The following NUDT9 variants were observed in gnomAD, a reference collection of about 807,000 sequenced individuals.
The protein encoded by NUDT9 is nudix hydrolase 9.
Under a neutral mutation model 41.0 loss-of-function variants are expected in NUDT9, and 31 were observed. The observed-to-expected ratio is 0.76, with a 90% CI of 0.57 to 1.02. The LOEUF (loss-of-function observed/expected upper bound fraction) is 1.02. NUDT9 is among the 50% of genes least tolerant of loss of function. The probability of loss-of-function intolerance (pLI) is 0.00; values close to 1 mark genes in which losing one functional copy is unlikely to be tolerated. For missense variants in NUDT9, 380 were observed against 431.4 expected, an observed-to-expected ratio of 0.88 and a Z score of 1.06; for synonymous variants, 146 against 147.6, an observed-to-expected ratio of 0.99 and a Z score of 0.08.
At chr4:87,434,011 A>T (rs185625834) in intron 1 of NUDT9, among the ~76,000 whole-genome samples, 15 of 152,228 alleles carry the variant, frequency 9.9e-5, no homozygotes, top group Admixed American at 2.6e-4. Flanking sequence ...GATGATTTTT[A>T]AAAAATATAT....
intron 6 of NUDT9, among the ~76,000 whole-genome samples, chr4:87,452,546 G>A (rs577628674): frequency 4.9e-4 from 75 of 151,762 alleles, no homozygotes; most frequent in Non-Finnish European, 9.1e-4. Context: ...GACCTCTTGG[G>A]CTCCTGTGAT....
At chr4:87,444,294 A>G (rs1722350257) in intron 4 of NUDT9, among the ~76,000 whole-genome samples, 1 of 151,846 alleles carries the variant, frequency 6.6e-6, no homozygotes, top group African/African-American at 2.4e-5. Flanking sequence ...TTAACTCTTT[A>G]TATATTTTTT....
At chr4:87,423,709 C>T (rs1721263738) in intron 1 of NUDT9, among the ~76,000 whole-genome samples, 1 of 151,986 alleles carries the variant, frequency 6.6e-6, no homozygotes, top group Non-Finnish European at 1.5e-5. Context: ...GTCCTGTTTC[C>T]TTCTGTTGCT....
At chr4:87,451,779 A>C (rs764667301) in intron 6 of NUDT9, 44 bp downstream of exon 6, 9 of 1,549,336 alleles carry the variant, frequency 5.8e-6, no homozygotes, top group Admixed American at 1.9e-5. Flanking sequence ...CTGTGGATTG[A>C]TGAAAATGAC....
intron 2 of NUDT9, among the ~76,000 whole-genome samples, chr4:87,437,040 G>A (rs1721967007): frequency 2.0e-5 from 3 of 152,012 alleles, no homozygotes; most frequent in Admixed American, 1.3e-4. Context: ...CTTGAGGTCA[G>A]GAGTTTGAGA....
intron 1 of NUDT9, among the ~76,000 whole-genome samples, chr4:87,423,321 C>G (rs747455679): frequency 6.6e-6 from 1 of 152,064 alleles, no homozygotes; most frequent in Non-Finnish European, 1.5e-5. Flanking sequence ...ATGGTTAATA[C>G]TTAAAACATT....
At chr4:87,437,600 C>G (rs1020281940) in intron 2 of NUDT9, among the ~76,000 whole-genome samples, 2 of 151,888 alleles carry the variant, frequency 1.3e-5, no homozygotes, top group Non-Finnish European at 2.9e-5. Context: ...CCTTGGCCTC[C>G]CAAAGTGCTG....
intron 6 of NUDT9, among the ~76,000 whole-genome samples, chr4:87,453,001 G>A (rs1451108345): frequency 2.0e-5 from 3 of 151,642 alleles, no homozygotes; most frequent in African/African-American, 7.3e-5. Flanking sequence ...TAGTAGTGAC[G>A]GGGTTTCACC....
chr4:87,441,681 A>G (rs1192867482), intron 3 of NUDT9, 148 bp from the exon 4 acceptor site: 2 of 682,738 alleles, frequency 2.9e-6, no homozygotes, highest in East Asian at 5.5e-5. Context: ...GAAATACATG[A>G]CTTCAGCACC....
chr4:87,423,887 A>C (rs139602636), intron 1 of NUDT9, among the ~76,000 whole-genome samples: 2 of 152,208 alleles, frequency 1.3e-5, no homozygotes, highest in Non-Finnish European at 2.9e-5. Flanking sequence ...CCAGATGGGT[A>C]GACTGGGAAC....
rs1474266740 is a variant in NUDT9, at chr4:87,458,776, G to T, written c.*755G>T. 1 of 152,172 alleles carries T rather than the reference G, an allele frequency of 6.6e-6. No individual in the cohort carries two copies. Among genetic ancestry groups the T allele is most frequent in the Non-Finnish European group, 1.5e-5 (1 of 68,036 alleles). The allele number at this position is 152,172 out of a possible 1,614,324, so 9.4% of individuals were successfully genotyped here. A position where few individuals can be genotyped will look rare whatever the true frequency, so the allele number is the denominator to read the frequency against. On this transcript the variant is annotated 3_prime_UTR_variant, in exon 8 of 8. Coordinates refer to ENST00000302174, the MANE Select transcript of NUDT9 (RefSeq NM_024047.5). ...TAGTTAAAAATGGATGTTCAGAAAA[G>T]AATTGAAATCAGGACAAAAAATTAC...
In NUDT9 at chr4:87,435,092, A is replaced by G. The variant is rs1721866602; in HGVS notation, c.219A>G (p.Ser73=). The part of the protein sequence containing the change: ...NKARTSPYPG[S]KVERSQVPNE... The stretch of plus-strand genomic sequence containing the variant: ...CTCGGACGTCTCCTTACCCAGGTTC[A>G]AAAGTTGAACGAAGCCAGGTTCCTA... The change falls in exon 2 of 8, where the codon TCA becomes TCG. Residue 73 remains serine (S), a synonymous_variant. Coordinates refer to ENST00000302174, the MANE Select transcript of NUDT9 (RefSeq NM_024047.5). 1 of 1,614,210 alleles carries G rather than the reference A, an allele frequency of 6.2e-7. No homozygotes were observed. Among genetic ancestry groups the G allele is most frequent in the Non-Finnish European group, 8.5e-7 (1 of 1,180,044 alleles).
chr4:87,448,623 G>A (rs1434297496), intron 4 of NUDT9, among the ~76,000 whole-genome samples: 1 of 152,034 alleles, frequency 6.6e-6, no homozygotes, highest in Admixed American at 6.6e-5. Context: ...TAGGACTATA[G>A]GTGCATGCCA....
chr4:87,458,193 T>C lies in NUDT9; in HGVS notation c.*172T>C. Reference sequence around the variant, plus strand: ...TCAGAATAACATGAGTAAGATGAACTGGAACACAAAATTTTCAGCTCTTTG... The same window carrying C: ...TCAGAATAACATGAGTAAGATGAACCGGAACACAAAATTTTCAGCTCTTTG... On this transcript the variant is annotated 3_prime_UTR_variant, in exon 8 of 8. Coordinates refer to ENST00000302174, the MANE Select transcript of NUDT9 (RefSeq NM_024047.5). The C allele has an allele frequency of 2.2e-6, 1 of 463,512 alleles. No individual in the cohort carries two copies. Among genetic ancestry groups the C allele is most frequent in the Non-Finnish European group, 3.6e-6 (1 of 281,660 alleles). 28.7% of individuals were successfully genotyped at this position (463,512 alleles called of 1,614,324 possible). A position where few individuals can be genotyped will look rare whatever the true frequency, so the allele number is the denominator to read the frequency against.
At chr4:87,447,138 A>C (rs1394798444) in intron 4 of NUDT9, among the ~76,000 whole-genome samples, 1 of 152,212 alleles carries the variant, frequency 6.6e-6, no homozygotes, top group African/African-American at 2.4e-5. Flanking sequence ...GCTAGACCCC[A>C]TATGAACATT....
chr4:87,425,540 G>A (rs1235235833), intron 1 of NUDT9, among the ~76,000 whole-genome samples: 3 of 150,856 alleles, frequency 2.0e-5, no homozygotes, highest in Non-Finnish European at 3.0e-5. Flanking sequence ...GATTACAGGC[G>A]CCCATCACCA....
At chr4:87,444,110 C>A (rs1277565045) in intron 4 of NUDT9, among the ~76,000 whole-genome samples, 2 of 151,952 alleles carry the variant, frequency 1.3e-5, no homozygotes, top group African/African-American at 4.8e-5. Context: ...TATTTTTTTA[C>A]TTTTAGAATT....
chr4:87,434,719 T>C (rs1721840223), intron 1 of NUDT9, among the ~76,000 whole-genome samples: 1 of 152,016 alleles, frequency 6.6e-6, no homozygotes, highest in South Asian at 2.1e-4. Flanking sequence ...AACCTCTGCC[T>C]TCTGGGTTCA....
intron 1 of NUDT9, among the ~76,000 whole-genome samples, chr4:87,424,226 T>C (rs1721293643): frequency 6.6e-6 from 1 of 151,234 alleles, no homozygotes; most frequent in Non-Finnish European, 1.5e-5. Context: ...TCGGCTCAGC[T>C]TGTAGGAATA....
Sources: gnomAD v4.1 joint callset for allele counts (sites outside exome capture counted in the v4.1 genomes callset) on GRCh38, gnomAD v4.1.1 for gene constraint, MANE v1.5 for transcripts, NCBI Gene and HGNC (gene_info 2026-07-23, HGNC 2026-07-21) for gene names.